MTCL1: variants seen among roughly 807,000 people sequenced by gnomAD.
The protein encoded by MTCL1 is microtubule crosslinking factor 1, also known as microtubule cross-linking factor 1.
MTCL1 carries 79 observed loss-of-function variants against 141.4 expected under a neutral mutation model. That is an observed-to-expected ratio of 0.56 (90% CI 0.47 to 0.67). The LOEUF (loss-of-function observed/expected upper bound fraction) is 0.67. Ranked by LOEUF, MTCL1 falls within the 30% of genes least tolerant of loss-of-function variation. The pLI, the probability that MTCL1 is intolerant of heterozygous loss-of-function variation, is 0.00. For synonymous variants in MTCL1, 914 were observed against 875.8 expected, an observed-to-expected ratio of 1.04 and a Z score of -0.77; for missense variants, 2,177 against 2,113.9, an observed-to-expected ratio of 1.03 and a Z score of -0.59.
exon 1 of MTCL1, chr18:8,706,104 C>A (rs2096057696): frequency 8.3e-7 from 1 of 1,208,820 alleles, no homozygotes; most frequent in African/African-American, 1.6e-5. Context: ...GGAAGCCTCC[C>A]GGAGCCGAGC....
rs553347928 is a variant in MTCL1, at chr18:8,786,342, T to C, written c.1887+251T>C. 340 of 681,188 alleles carry C rather than the reference T, an allele frequency of 5.0e-4. 9 individuals carry two copies. Among genetic ancestry groups the C allele is most frequent in the South Asian group, 4.2e-3 (277 of 66,604 alleles). 42.2% of individuals were successfully genotyped at this position (681,188 alleles called of 1,614,324 possible). A position where few individuals can be genotyped will look rare whatever the true frequency, so the allele number is the denominator to read the frequency against. ...CTCACTGTAGGCACTGTCCACCTCC[T>C]GTTTCCGCAGACCGGGAGCACCTGG... On this transcript the variant is annotated intron_variant, in intron 7 of 16. Coordinates refer to ENST00000359865, the Ensembl canonical transcript of MTCL1.
rs1240554552 is a variant in MTCL1, at chr18:8,811,469, C to A, written c.2605-1510C>A. Among the ~76,000 whole-genome samples, 5 of 152,254 alleles carry A rather than the reference C, an allele frequency of 3.3e-5. No individual in the cohort carries two copies. The Middle Eastern group carries it at 0.01, about 311-fold the overall frequency. ...AAACATCCAAACTACAGCACTGATA[C>A]AGACATCTTTCTAAATAGAATAATA... On this transcript the variant is annotated intron_variant, in intron 11 of 16. Coordinates refer to ENST00000359865, the Ensembl canonical transcript of MTCL1.
intron 11 of MTCL1, chr18:8,809,360 G>T: frequency 6.8e-7 from 1 of 1,473,414 alleles, no homozygotes; most frequent in East Asian, 2.5e-5. Flanking sequence ...TAGGCAACAA[G>T]CCCAACAGAA....
chr18:8,820,584 C>T (rs189202635), intron 13 of MTCL1, among the ~76,000 whole-genome samples: 1 of 152,312 alleles, frequency 6.6e-6, no homozygotes, highest in Non-Finnish European at 1.5e-5. Context: ...GCCTTATCCT[C>T]AGCAATGTGT....
At chr18:8,791,457 C>T (rs2075723207) in intron 7 of MTCL1, among the ~76,000 whole-genome samples, 1 of 149,288 alleles carries the variant, frequency 6.7e-6, no homozygotes, top group South Asian at 2.2e-4. Context: ...AGATAAGTGC[C>T]CCTGGGAGAT....
chr18:8,724,669 A>C (rs989335658), intron 4 of MTCL1, among the ~76,000 whole-genome samples: 6 of 151,976 alleles, frequency 3.9e-5, no homozygotes, highest in African/African-American at 1.4e-4. Flanking sequence ...TTACCCCCTA[A>C]CCCATCCCCG....
chr18:8,722,677 G>A (rs929417539), intron 4 of MTCL1, among the ~76,000 whole-genome samples: 1 of 152,182 alleles, frequency 6.6e-6, no homozygotes, highest in Non-Finnish European at 1.5e-5. Flanking sequence ...AGTAGATGGA[G>A]GAGGAAGAGG....
rs144091944 is a variant in MTCL1, at chr18:8,789,690, C to A, written c.1888-3308C>A. On this transcript the variant is annotated intron_variant, in intron 7 of 16. Transcript: ENST00000359865. ...AGATAAGCTGCTTTAATAGGGAGATCAAGATGAATTTGATGTATAATCAGA... is the reference window on the plus strand; with the variant it reads ...AGATAAGCTGCTTTAATAGGGAGATAAAGATGAATTTGATGTATAATCAGA... 24 of 985,232 alleles carry A rather than the reference C, an allele frequency of 2.4e-5. No individual in the cohort carries two copies. In the East Asian group the frequency reaches 2.5e-3, roughly 102 times the overall value. The allele number at this position is 985,232 out of a possible 1,614,324, so 61.0% of individuals were successfully genotyped here.
intron 4 of MTCL1, among the ~76,000 whole-genome samples, chr18:8,760,896 A>G (rs1294044970): frequency 6.6e-6 from 1 of 152,236 alleles, no homozygotes; most frequent in African/African-American, 2.4e-5. Context: ...AGAAATGATG[A>G]CTTCTTATGA....
chr18:8,829,709 C>T (rs2077136023), intron 16 of MTCL1: 1 of 985,148 alleles, frequency 1.0e-6, no homozygotes, highest in Admixed American at 6.2e-5. Flanking sequence ...ACAGATGTAT[C>T]CCCATGAAAA....
chr18:8,771,348 C>T (rs1032719692), intron 4 of MTCL1, among the ~76,000 whole-genome samples: 2 of 152,102 alleles, frequency 1.3e-5, no homozygotes, highest in African/African-American at 4.8e-5. Context: ...GACCTCTGCA[C>T]CTTCATTTCC....
intron 1 of MTCL1, among the ~76,000 whole-genome samples, chr18:8,711,765 A>G (rs2096094027): frequency 6.6e-6 from 1 of 150,724 alleles, no homozygotes; most frequent in Admixed American, 6.6e-5. Context: ...AATTTGTTTG[A>G]GTTCATTGTA....
chr18:8,830,892 G>A lies in MTCL1; in HGVS notation c.*19-715G>A. ...CTAGGTGATTTGCACATGGTTGAGTGTGTCTTGCATCACCTGCTCGCAGAA... is the reference window on the plus strand; with the variant it reads ...CTAGGTGATTTGCACATGGTTGAGTATGTCTTGCATCACCTGCTCGCAGAA... On this transcript the variant is annotated intron_variant, in intron 16 of 16. Coordinates refer to ENST00000359865, the Ensembl canonical transcript of MTCL1. This position sits in a 1 kb window ranked among gnomAD's most constrained non-coding sequence, Gnocchi z 6.4. 1 of 985,372 alleles carries A rather than the reference G, an allele frequency of 1.0e-6. No individual in the cohort carries two copies. Among genetic ancestry groups the A allele is most frequent in the East Asian group, 1.1e-4 (1 of 8,836 alleles). 61.0% of individuals were successfully genotyped at this position (985,372 alleles called of 1,614,324 possible).
chr18:8,809,231 C>A (rs1259393532), intron 11 of MTCL1, among the ~76,000 whole-genome samples: 1 of 152,098 alleles, frequency 6.6e-6, no homozygotes, highest in Non-Finnish European at 1.5e-5. Flanking sequence ...ATGGATTAAC[C>A]TGGGGTTAAT....
At chr18:8,750,360 A>C (rs754837709) in intron 4 of MTCL1, among the ~76,000 whole-genome samples, 1 of 152,162 alleles carries the variant, frequency 6.6e-6, no homozygotes, top group African/African-American at 2.4e-5. Context: ...ATGTCATTTT[A>C]TGTCTTTCCC....
intron 4 of MTCL1, among the ~76,000 whole-genome samples, chr18:8,721,328 T>C (rs58116865): frequency 0.011 from 1,635 of 152,320 alleles, 27 homozygotes; most frequent in African/African-American, 0.037. Flanking sequence ...TCCCTATCCA[T>C]GCCCCCTCCC....
chr18:8,815,493 A>G (rs1327237400), intron 12 of MTCL1, among the ~76,000 whole-genome samples: 1 of 152,070 alleles, frequency 6.6e-6, no homozygotes, highest in Non-Finnish European at 1.5e-5. Flanking sequence ...GGTGGGGGAT[A>G]GCATTAGGAG....
rs371955840 is a variant in MTCL1, at chr18:8,781,259, A to C, written c.418-2271A>C. ...TTTTCCTCTAGTATTAGTATTAAACACAACGTATGCCTTTTACAGCCCATG... is the reference window on the plus strand; with the variant it reads ...TTTTCCTCTAGTATTAGTATTAAACCCAACGTATGCCTTTTACAGCCCATG... On this transcript the variant is annotated intron_variant, in intron 5 of 16. Transcript: ENST00000359865. Among the ~76,000 whole-genome samples, 4 of 152,060 alleles carry C rather than the reference A, an allele frequency of 2.6e-5. 1 individual carries two copies. Among genetic ancestry groups the C allele is most frequent in the Admixed American group, 1.3e-4 (2 of 15,270 alleles).
At chr18:8,825,978 C>G (rs1278500270) in exon 15 of MTCL1, 1 of 1,597,306 alleles carries the variant, frequency 6.3e-7, no homozygotes, top group South Asian at 1.1e-5. Context: ...CACCAATTCC[C>G]GAGGAAGGTC....
Sources: allele counts gnomAD v4.1 joint callset (sites outside exome capture counted in the v4.1 genomes callset), GRCh38; gene constraint gnomAD v4.1.1; non-coding constraint Gnocchi (gnomAD v3.1); transcripts MANE v1.5; gene names NCBI Gene and HGNC (gene_info 2026-07-23, HGNC 2026-07-21).